SSBP3: variants seen among roughly 807,000 people sequenced by gnomAD.
The protein encoded by SSBP3 is single-stranded DNA-binding protein 3.
SSBP3 carries 5 observed loss-of-function variants against 69.6 expected under a neutral mutation model. The observed-to-expected ratio is 0.07, with a 90% CI of 0.04 to 0.15. SSBP3 has a LOEUF of 0.15. SSBP3 is among the 10% of genes least tolerant of loss of function. The pLI is 1.00. For missense variants in SSBP3, 312 were observed against 534.0 expected, an observed-to-expected ratio of 0.58 and a Z score of 4.10; for synonymous variants, 196 against 193.4, an observed-to-expected ratio of 1.01 and a Z score of -0.11.
intron 4 of SSBP3, among the ~76,000 whole-genome samples, chr1:54,331,720 A>C (rs1646413922): frequency 6.6e-6 from 1 of 152,238 alleles, no homozygotes; most frequent in African/African-American, 2.4e-5. Context: ...ATGGTCACCA[A>C]AAAGGAAGAG....
chr1:54,383,771 G>A (rs1647862005), intron 4 of SSBP3, among the ~76,000 whole-genome samples: 1 of 152,126 alleles, frequency 6.6e-6, no homozygotes, highest in Non-Finnish European at 1.5e-5. Context: ...CTGGATTCCA[G>A]GATCACATCC....
At position 54,317,172 on chromosome 1, in the gene SSBP3, G is replaced by A. The variant is rs1349561703; in HGVS notation, c.277-35645C>T. Among the ~76,000 whole-genome samples the A allele has an allele frequency of 3.3e-5, 5 of 152,286 alleles. No individual in the cohort carries two copies. In the East Asian group the frequency reaches 9.6e-4, roughly 29 times the overall value. On this transcript the variant is annotated intron_variant, in intron 4 of 17. Transcript: ENST00000610401. The stretch of plus-strand genomic sequence containing the variant: ...GAGAGATGGAGGACAGGAAGGAATC[G>A]CCAATTAAGGGAATGATTCAATAAA...
chr1:54,262,892 C>T (rs1463278576), intron 5 of SSBP3, among the ~76,000 whole-genome samples: 1 of 152,240 alleles, frequency 6.6e-6, no homozygotes, highest in African/African-American at 2.4e-5. Flanking sequence ...GCAGGAAACA[C>T]GCCCACTTCC....
intron 4 of SSBP3, among the ~76,000 whole-genome samples, chr1:54,301,612 G>A (rs1194013437): frequency 6.6e-6 from 1 of 152,206 alleles, no homozygotes; most frequent in Non-Finnish European, 1.5e-5. Context: ...CTGAAGAGGC[G>A]CTCAGGCCAG....
intron 14 of SSBP3, among the ~76,000 whole-genome samples, chr1:54,235,762 T>C (rs951065205): frequency 6.6e-6 from 1 of 152,144 alleles, no homozygotes; most frequent in African/African-American, 2.4e-5. Flanking sequence ...GTCCATCATT[T>C]TTTAACACTC....
intron 4 of SSBP3, among the ~76,000 whole-genome samples, chr1:54,373,991 C>A (rs902061954): frequency 2.0e-5 from 3 of 152,140 alleles, no homozygotes; most frequent in African/African-American, 7.2e-5. Flanking sequence ...CTCTTTCCTG[C>A]TGGACAGGAA....
chr1:54,282,626 G>A lies in SSBP3; in HGVS notation c.277-1099C>T, dbSNP rs867976498. On this transcript the variant is annotated intron_variant, in intron 4 of 17. Transcript: ENST00000610401. ...TCGGCGCGTCTGTGCCTGGCCCCGT[G>A]CTCACACAGGCGGGGCGGGGCGAGG... Among the ~76,000 whole-genome samples the A allele has an allele frequency of 3.3e-4, 50 of 152,172 alleles. 1 individual carries two copies. Among genetic ancestry groups the A allele is most frequent in the Non-Finnish European group, 2.2e-4 (15 of 68,032 alleles).
chr1:54,385,081 T>C (rs1429667394), intron 4 of SSBP3, among the ~76,000 whole-genome samples: 1 of 151,992 alleles, frequency 6.6e-6, no homozygotes, highest in Admixed American at 6.6e-5. Context: ...AGGAAGGAAG[T>C]AGGAAGTCAT....
chr1:54,245,551 G>A (rs998422445), intron 9 of SSBP3, among the ~76,000 whole-genome samples: 4 of 152,214 alleles, frequency 2.6e-5, no homozygotes, highest in African/African-American at 7.2e-5. Context: ...CACCTGCTCC[G>A]CTTGCTCAGC....
At chr1:54,266,299 C>G (rs912374762) in intron 5 of SSBP3, among the ~76,000 whole-genome samples, 3 of 152,230 alleles carry the variant, frequency 2.0e-5, no homozygotes, top group Admixed American at 6.5e-5. Context: ...AGCACAGCCA[C>G]CAGGCTGAGC....
chr1:54,303,984 T>C (rs1178086962), intron 4 of SSBP3, among the ~76,000 whole-genome samples: 1 of 152,202 alleles, frequency 6.6e-6, no homozygotes, highest in Non-Finnish European at 1.5e-5. Context: ...CACACAGCAC[T>C]GCCTCCACGT....
chr1:54,403,466 C>T (rs557281339), intron 3 of SSBP3, among the ~76,000 whole-genome samples: 5 of 152,326 alleles, frequency 3.3e-5, no homozygotes, highest in African/African-American at 1.2e-4. Flanking sequence ...ACACTCCCTC[C>T]AAAAACAGCC....
In SSBP3 at chr1:54,401,848, A is replaced by G; in HGVS notation, c.276+13T>C. The G allele has an allele frequency of 6.2e-7, 1 of 1,608,138 alleles. No individual in the cohort carries two copies. The highest frequency in any genetic ancestry group is 1.1e-5 in the South Asian group (1 of 90,846). On this transcript the variant is annotated intron_variant, in intron 4 of 17. Transcript: ENST00000610401. ...CCTATAATTATTGCTAGGATTAAAA[A>G]TATGTTACTCACATAATCATGAAAG...
chr1:54,381,255 C>T (rs1318313999), intron 4 of SSBP3, among the ~76,000 whole-genome samples: 8 of 151,598 alleles, frequency 5.3e-5, no homozygotes, highest in Non-Finnish European at 1.0e-4. Flanking sequence ...TGGTGGCGTG[C>T]GCCTGCAGTC....
At chr1:54,402,763 G>A (rs911268705) in intron 3 of SSBP3, among the ~76,000 whole-genome samples, 3 of 152,256 alleles carry the variant, frequency 2.0e-5, no homozygotes, top group African/African-American at 2.4e-5. Flanking sequence ...TGGTCACTCC[G>A]ACATTCTGTA....
chr1:54,278,298 C>A (rs1645328233), intron 5 of SSBP3, among the ~76,000 whole-genome samples: 1 of 150,994 alleles, frequency 6.6e-6, no homozygotes, highest in South Asian at 2.1e-4. Flanking sequence ...TTAGTATATG[C>A]CAGGTGCTGG....
chr1:54,315,603 A>ATT (rs1646082438), intron 4 of SSBP3, among the ~76,000 whole-genome samples: 1 of 150,988 alleles, frequency 6.6e-6, no homozygotes, highest in South Asian at 2.1e-4. Context: ...TTTAATTTAA[A>ATT]AAAAAAAAAA....
intron 4 of SSBP3, among the ~76,000 whole-genome samples, chr1:54,293,016 A>C (rs1016332415): frequency 6.6e-6 from 1 of 152,058 alleles, no homozygotes; most frequent in Non-Finnish European, 1.5e-5. Flanking sequence ...GGGGATGAAG[A>C]GATGGTTCAG....
chr1:54,259,282 C>T (rs1344188053), intron 5 of SSBP3, among the ~76,000 whole-genome samples: 4 of 151,940 alleles, frequency 2.6e-5, no homozygotes, highest in Admixed American at 2.6e-4. Context: ...CTTAAAAATC[C>T]GAGGTAATAA....
Sources: gnomAD v4.1 joint callset for allele counts (sites outside exome capture counted in the v4.1 genomes callset) on GRCh38, gnomAD v4.1.1 for gene constraint, MANE v1.5 for transcripts, NCBI Gene and HGNC (gene_info 2026-07-23, HGNC 2026-07-21) for gene names.